Variants in CFAP46 observed in about 807,000 individuals in gnomAD.
CFAP46 encodes the protein cilia and flagella associated protein 46.
A neutral mutation model predicts 325.7 loss-of-function variants in CFAP46; 245 were observed. That is an observed-to-expected ratio of 0.75 (90% CI 0.68 to 0.84). CFAP46 has a LOEUF of 0.84. CFAP46 is among the 40% of genes least tolerant of loss of function. CFAP46 has a pLI of 0.00. For synonymous variants in CFAP46, 1,523 were observed against 1,495.9 expected, an observed-to-expected ratio of 1.02 and a Z score of -0.42; for missense variants, 3,346 against 3,543.0, an observed-to-expected ratio of 0.94 and a Z score of 1.41.
At chr10:132,837,042 G>A (rs1288501166) in intron 44 of CFAP46, 128 bp from the exon 45 acceptor site, 6 of 707,542 alleles carry the variant, frequency 8.5e-6, no homozygotes, top group Non-Finnish European at 1.4e-5. Context: ...TCCTGCCCGA[G>A]GCTGGGCCCT....
At chr10:132,893,654 C>G (rs1849283618) in intron 24 of CFAP46, among the ~76,000 whole-genome samples, 1 of 152,216 alleles carries the variant, frequency 6.6e-6, no homozygotes, top group Non-Finnish European at 1.5e-5. Context: ...AGCAAAAGTC[C>G]CGCAACAGTG....
At chr10:132,864,491 C>T (rs1848778801) in intron 35 of CFAP46, among the ~76,000 whole-genome samples, 1 of 142,270 alleles carries the variant, frequency 7.0e-6, no homozygotes, top group Non-Finnish European at 1.5e-5. Flanking sequence ...ACATCTGTCC[C>T]CATGCCTGAG....
chr10:132,916,499 C>G (rs1849640890), intron 17 of CFAP46, 50 bp downstream of exon 17: 3 of 1,519,830 alleles, frequency 2.0e-6, no homozygotes, highest in African/African-American at 2.8e-5. Flanking sequence ...AGGGGACACT[C>G]TGACCCACGG....
In CFAP46 at chr10:132,921,340, G is replaced by A. The variant is rs116671778; in HGVS notation, c.1606+764C>T. On this transcript the variant is annotated intron_variant, in intron 13 of 57. Transcript: ENST00000368586. The stretch of plus-strand genomic sequence containing the variant: ...GCACTGGGCTGGAGAGAGTGGGGCC[G>A]CCTGCGTTCCCAGAGCCACTGGCGA... Among the ~76,000 whole-genome samples the A allele has an allele frequency of 6.9e-3, 1,050 of 152,314 alleles. 13 individuals carry two copies. Among genetic ancestry groups the A allele is most frequent in the African/African-American group, 0.024 (996 of 41,574 alleles).
At chr10:132,881,783 C>T (rs1849047100) in intron 27 of CFAP46, among the ~76,000 whole-genome samples, 2 of 152,246 alleles carry the variant, frequency 1.3e-5, no homozygotes, top group South Asian at 4.1e-4. Context: ...CACCACGTGC[C>T]ATGCACAGAT....
At chr10:132,938,862 G>A (rs1419363003) in intron 4 of CFAP46, 109 bp from the exon 5 acceptor site, 15 of 1,016,602 alleles carry the variant, frequency 1.5e-5, no homozygotes, top group Non-Finnish European at 2.1e-5. Flanking sequence ...AGGGGCCTCA[G>A]GTCCTCTCCA....
rs1282072393 is a variant in CFAP46, at chr10:132,908,554, G to T, written c.2838C>A (p.Ala946=). ...TGGTCTCATGGTCACGCGCTGCATG[G>T]GCGAAGTGGGTCAGCCGCGTCAGGG... The part of the protein sequence containing the change: ...LQTLTRLTHF[A]HAARDHETTM... The change falls in exon 22 of 58, where the codon GCC becomes GCA. Residue 946 remains alanine (A), a synonymous_variant. Transcript: ENST00000368586. 1.9e-6 allele frequency: 3 copies of T among 1,550,500 alleles called. No homozygotes were observed. In the South Asian group the frequency reaches 3.6e-5, roughly 18 times the overall value.
chr10:132,930,074 C>T (rs1212059090), intron 8 of CFAP46, among the ~76,000 whole-genome samples: 2 of 152,136 alleles, frequency 1.3e-5, no homozygotes, highest in Non-Finnish European at 2.9e-5. Flanking sequence ...CTGCTCCTCG[C>T]TCTCCAGGCT....
intron 44 of CFAP46, among the ~76,000 whole-genome samples, chr10:132,837,581 ACACGTACACAGATGCG>A (rs1225864692): frequency 7.2e-6 from 1 of 139,496 alleles, no homozygotes; most frequent in African/African-American, 2.7e-5. Flanking sequence ...ACACACATGC[ACACGTACACAGATGCG>A]CACGGACACA....
chr10:132,853,550 C>A (rs1848593631), intron 39 of CFAP46, among the ~76,000 whole-genome samples: 1 of 152,060 alleles, frequency 6.6e-6, no homozygotes, highest in African/African-American at 2.4e-5. Flanking sequence ...GGGATGTATT[C>A]TCTCCTTTTC....
At position 132,916,600 on chromosome 10, in the gene CFAP46, G is replaced by A; in HGVS notation, c.2069C>T (p.Ala690Val). ...CTCCGGGGGCTCAGGCACGTAGCCAGCTGGGTGCTGGCTCAGGTCTTCGGG... is the reference window on the plus strand; with the variant it reads ...CTCCGGGGGCTCAGGCACGTAGCCAACTGGGTGCTGGCTCAGGTCTTCGGG... ...IPPEDLSQHP[A>V]GYVPEPPEVN... The change falls in exon 17 of 58, where the codon GCT (alanine) becomes GTT (valine). Residue 690 changes from alanine (A) to valine (V), a missense_variant. Coordinates refer to ENST00000368586, the MANE Select transcript of CFAP46 (RefSeq NM_001200049.3). The A allele has an allele frequency of 6.5e-7, 1 of 1,546,706 alleles. No individual in the cohort carries two copies. Among genetic ancestry groups the A allele is most frequent in the Non-Finnish European group, 8.7e-7 (1 of 1,145,154 alleles).
In CFAP46 at chr10:132,832,618, GATTT is replaced by G; in HGVS notation, c.7117+736_7117+739del. Reference sequence around the variant, plus strand: ...CTGAGATGGAAGCAAAAGTCCAATCGATTTATTTTTAATTTTATTTGATACCGAA... The same window carrying G: ...CTGAGATGGAAGCAAAAGTCCAATCGATTTTTAATTTTATTTGATACCGAA... On this transcript the variant is annotated intron_variant, in intron 50 of 57. Transcript: ENST00000368586. The surrounding 1 kb of genome is among the most constrained non-coding windows in gnomAD (Gnocchi z 4.1). 2.7e-6 allele frequency: 1 copy of G among 372,908 alleles called. No homozygotes were observed. The highest frequency in any genetic ancestry group is 7.9e-5 in the East Asian group (1 of 12,664). 23.1% of individuals were successfully genotyped at this position (372,908 alleles called of 1,614,324 possible). A position where few individuals can be genotyped will look rare whatever the true frequency, so the allele number is the denominator to read the frequency against.
chr10:132,820,958 A>C (rs1245812872), intron 50 of CFAP46, among the ~76,000 whole-genome samples: 1 of 41,664 alleles, frequency 2.4e-5, no homozygotes, highest in Non-Finnish European at 4.5e-5. Context: ...GTGTGTGCTG[A>C]TGTGTGCTGT....
intron 9 of CFAP46, among the ~76,000 whole-genome samples, chr10:132,927,375 C>CG (rs1352862124): frequency 4.6e-5 from 7 of 151,234 alleles, no homozygotes; most frequent in Non-Finnish European, 4.4e-5. Flanking sequence ...GCCTCCGTCC[C>CG]GGGGAGCAGG....
rs187671315 is a variant in CFAP46 at position 132,828,392 on chromosome 10, T to C, written c.7117+4966A>G. Among the ~76,000 whole-genome samples, 572 of 152,344 alleles carry C rather than the reference T, an allele frequency of 3.8e-3. 5 individuals are homozygous for C. Among genetic ancestry groups the C allele is most frequent in the Non-Finnish European group, 5.3e-3 (363 of 68,028 alleles). Reference sequence around the variant, plus strand: ...TCGACTGTGTGAGTTTCACCCATTCTAACAGGTGTGCAGGGGTATTCCATT... The same window carrying C: ...TCGACTGTGTGAGTTTCACCCATTCCAACAGGTGTGCAGGGGTATTCCATT... On this transcript the variant is annotated intron_variant, in intron 50 of 57. Transcript: ENST00000368586. The surrounding 1 kb of genome is among the most constrained non-coding windows in gnomAD (Gnocchi z 4.9).
Position 132,939,402 on chromosome 10 carries a change from G to T in CFAP46, c.372-649C>A, listed in dbSNP as rs1287572614. Among the ~76,000 whole-genome samples, 2 of 152,156 alleles carry T rather than the reference G, an allele frequency of 1.3e-5. No individual in the cohort carries two copies. Among genetic ancestry groups the T allele is most frequent in the Non-Finnish European group, 2.9e-5 (2 of 68,024 alleles). On this transcript the variant is annotated intron_variant, in intron 4 of 57. Transcript: ENST00000368586. The surrounding 1 kb of genome is among the most constrained non-coding windows in gnomAD (Gnocchi z 4.6). ...CCCTGGGCAGCAGGGAGCATTGCAG[G>T]GACTGAAGTAAGGGAATCCGGGCCC...
In CFAP46 at chr10:132,867,102, A is replaced by G. The variant is rs139021492; in HGVS notation, c.4743+273T>C. Among the ~76,000 whole-genome samples, 1,339 of 151,524 alleles carry G rather than the reference A, an allele frequency of 8.8e-3. 12 individuals carry two copies. Among genetic ancestry groups the G allele is most frequent in the South Asian group, 0.038 (182 of 4,730 alleles). ...CCCCTCGCACACTGACACACAGGCCAGCCCCACACAAACAGACACACAGGC... is the reference window on the plus strand; with the variant it reads ...CCCCTCGCACACTGACACACAGGCCGGCCCCACACAAACAGACACACAGGC... On this transcript the variant is annotated intron_variant, in intron 34 of 57. Coordinates refer to ENST00000368586, the MANE Select transcript of CFAP46 (RefSeq NM_001200049.3).
At position 132,919,250 on chromosome 10, in the gene CFAP46, C is replaced by A. The variant is rs925153063; in HGVS notation, c.1858+65G>T. 11 of 1,498,080 alleles carry A rather than the reference C, an allele frequency of 7.3e-6. No homozygotes were observed. The highest frequency in any genetic ancestry group is 2.1e-4 in the Middle Eastern group (1 of 4,798). 92.8% of individuals were successfully genotyped at this position (1,498,080 alleles called of 1,614,324 possible). On this transcript the variant is annotated intron_variant, in intron 15 of 57. Coordinates refer to ENST00000368586, the MANE Select transcript of CFAP46 (RefSeq NM_001200049.3). The surrounding 1 kb of genome is among the most constrained non-coding windows in gnomAD (Gnocchi z 9.7). Reference sequence around the variant, plus strand: ...TGGGTTGTCATTGCACGAACCACAACCCTTCCCACACCCAGAGGGCGGCCG... The same window carrying A: ...TGGGTTGTCATTGCACGAACCACAAACCTTCCCACACCCAGAGGGCGGCCG...
rs1564781551 is a variant in CFAP46, at chr10:132,859,138, TTCTC to T, written c.5304_5307del (p.Arg1769SerfsTer14). On this transcript the variant is annotated frameshift_variant, in exon 38 of 58. Transcript: ENST00000368586. LOFTEE classifies it high-confidence loss of function. Reference sequence around the variant, plus strand: ...TCTTTGCAGCCACAGTCGATAAACTTTCTCTCAATTTCCAACAGGCCATCATCCA... The same window carrying T: ...TCTTTGCAGCCACAGTCGATAAACTTTCAATTTCCAACAGGCCATCATCCA... 1.3e-6 allele frequency: 2 copies of T among 1,550,984 alleles called. No individual in the cohort carries two copies. The highest frequency in any genetic ancestry group is 2.0e-5 in the Admixed American group (1 of 51,002).
Sources: gnomAD v4.1 joint callset for allele counts (sites outside exome capture counted in the v4.1 genomes callset) on GRCh38, gnomAD v4.1.1 for gene constraint, Gnocchi (gnomAD v3.1) non-coding constraint, MANE v1.5 for transcripts, NCBI Gene and HGNC (gene_info 2026-07-23, HGNC 2026-07-21) for gene names.